Variants in SPAG17 observed in about 807,000 individuals in gnomAD.
The protein encoded by SPAG17 is sperm-associated antigen 17.
SPAG17 carries 169 observed loss-of-function variants against 273.6 expected under a neutral mutation model. The ratio of observed to expected loss-of-function variants is 0.62; its 90% CI spans 0.55 to 0.70. SPAG17 has a LOEUF of 0.70. Among genes scored for constraint, SPAG17 ranks in the 30% least tolerant of loss-of-function variants. SPAG17 has a pLI of 0.00. For synonymous variants in SPAG17, 825 were observed against 873.2 expected (o/e 0.94, Z 0.97); for missense variants, 2,557 against 2,627.8 (o/e 0.97, Z 0.59).
chr1:118,025,069 A>G (rs986937920), intron 27 of SPAG17, among the ~76,000 whole-genome samples, 169 bp downstream of exon 27: 3 of 152,202 alleles, frequency 2.0e-5, no homozygotes, highest in Non-Finnish European at 4.4e-5. Context: ...CCTGCTCTGC[A>G]TATAGTGTTT....
intron 3 of SPAG17, among the ~76,000 whole-genome samples, chr1:118,136,394 C>T (rs998879192): frequency 6.6e-6 from 1 of 152,174 alleles, no homozygotes. Flanking sequence ...GCATGTACAT[C>T]CCCTCAGGAT....
chr1:118,015,363 T>C (rs189957071), intron 29 of SPAG17, among the ~76,000 whole-genome samples: 1 of 152,306 alleles, frequency 6.6e-6, no homozygotes, highest in East Asian at 1.9e-4. Context: ...AACCATTATG[T>C]TCTGTACCAC....
At chr1:118,125,074 C>T (rs963842617) in intron 3 of SPAG17, among the ~76,000 whole-genome samples, 1 of 152,132 alleles carries the variant, frequency 6.6e-6, no homozygotes, top group African/African-American at 2.4e-5. Flanking sequence ...TACCTGATGC[C>T]TCAACTCTAA....
chr1:118,084,909 C>G (rs568719224), intron 13 of SPAG17, among the ~76,000 whole-genome samples: 2 of 152,064 alleles, frequency 1.3e-5, no homozygotes, highest in Non-Finnish European at 2.9e-5. Flanking sequence ...TAGATTAATT[C>G]CAAGGTTTCT....
chr1:118,085,191 T>C (rs1191067780), intron 13 of SPAG17, among the ~76,000 whole-genome samples: 1 of 152,140 alleles, frequency 6.6e-6, no homozygotes, highest in Non-Finnish European at 1.5e-5. Context: ...CTCGATCCTC[T>C]TCTTTTTTTT....
chr1:118,098,487 GTC>G, intron 6 of SPAG17, among the ~76,000 whole-genome samples: 1 of 151,718 alleles, frequency 6.6e-6, no homozygotes, highest in Admixed American at 6.6e-5. Context: ...CTATTATAAA[GTC>G]TATTTTTTAA....
At chr1:118,007,984 G>C (rs1365994503) in intron 31 of SPAG17, 60 bp downstream of exon 31, 2 of 1,601,244 alleles carry the variant, frequency 1.2e-6, no homozygotes, top group Non-Finnish European at 1.7e-6. Flanking sequence ...CAGAGAAGTG[G>C]GTTTTCTCAG....
intron 7 of SPAG17, among the ~76,000 whole-genome samples, chr1:118,093,849 T>C (rs1480340268): frequency 6.6e-6 from 1 of 152,244 alleles, no homozygotes; most frequent in African/African-American, 2.4e-5. Flanking sequence ...CTTTCACCTG[T>C]TCTACCTCTA....
intron 43 of SPAG17, among the ~76,000 whole-genome samples, chr1:117,979,005 T>C (rs1407790332): frequency 6.6e-6 from 1 of 151,932 alleles, no homozygotes; most frequent in African/African-American, 2.4e-5. Context: ...GTAGCTGGGA[T>C]TACAGGTGCA....
chr1:117,989,219 T>C (rs1656786688), intron 38 of SPAG17, among the ~76,000 whole-genome samples: 1 of 152,172 alleles, frequency 6.6e-6, no homozygotes, highest in Non-Finnish European at 1.5e-5. Flanking sequence ...AAATAGTACC[T>C]GAGGCTGTGT....
intron 22 of SPAG17, among the ~76,000 whole-genome samples, chr1:118,040,228 G>A (rs1649574594): frequency 6.6e-6 from 1 of 152,066 alleles, no homozygotes; most frequent in Non-Finnish European, 1.5e-5. Context: ...AGAACTAGGA[G>A]AAAATATTGA....
At position 118,005,602 on chromosome 1, in the gene SPAG17, C is replaced by T. The variant is rs546156894; in HGVS notation, c.4588G>A (p.Val1530Met). 1.2e-5 allele frequency: 18 copies of T among 1,455,914 alleles called. No individual in the cohort carries two copies. Among genetic ancestry groups the T allele is most frequent in the Admixed American group, 2.5e-5 (1 of 39,334 alleles). 90.2% of individuals were successfully genotyped at this position (1,455,914 alleles called of 1,614,324 possible). The change falls in exon 32 of 49, where the codon GTG (valine) becomes ATG (methionine). Residue 1530 changes from valine (V) to methionine (M), a missense_variant and splice_region_variant. Transcript: ENST00000336338. ...AGAGAGCCTGTGTTTGGAGGTAACA[C>T]CTGAAAGAGTAACAGAAAGACAGAA... The part of the protein sequence containing the change: ...IIAKPQGTYQ[V>M]LPPNTGSLYI...
intron 3 of SPAG17, among the ~76,000 whole-genome samples, chr1:118,126,350 C>A (rs1207969066): frequency 6.6e-6 from 1 of 150,578 alleles, no homozygotes; most frequent in South Asian, 2.1e-4. Flanking sequence ...GAACTACAGG[C>A]GCCCGCCACT....
chr1:118,048,677 C>T (rs1650647266), intron 20 of SPAG17, among the ~76,000 whole-genome samples: 3 of 152,096 alleles, frequency 2.0e-5, no homozygotes, highest in Admixed American at 1.3e-4. Flanking sequence ...GTGGGCAGAT[C>T]ACAAGGTCAG....
At chr1:118,103,440 C>T (rs1296188451) in intron 4 of SPAG17, among the ~76,000 whole-genome samples, 1 of 152,174 alleles carries the variant, frequency 6.6e-6, no homozygotes, top group Non-Finnish European at 1.5e-5. Context: ...CTGTCCCAGC[C>T]TTCCTCAGCA....
chr1:118,025,227 C>T lies in SPAG17; in HGVS notation c.3909+11G>A, dbSNP rs377062293. On this transcript the variant is annotated intron_variant, in intron 27 of 48. Coordinates refer to ENST00000336338, the MANE Select transcript of SPAG17 (RefSeq NM_206996.4). Reference sequence around the variant, plus strand: ...ACAGGGAAGAATAATTTCTCTAACACATTCTTTTACCTGTGTGGATCCATC... The same window carrying T: ...ACAGGGAAGAATAATTTCTCTAACATATTCTTTTACCTGTGTGGATCCATC... The T allele has an allele frequency of 3.1e-6, 5 of 1,612,202 alleles. No individual in the cohort carries two copies. In the African/African-American group the frequency reaches 5.3e-5, roughly 17 times the overall value.
chr1:118,070,511 C>T (rs2102082977), intron 17 of SPAG17, among the ~76,000 whole-genome samples: 1 of 152,184 alleles, frequency 6.6e-6, no homozygotes, highest in East Asian at 1.9e-4. Flanking sequence ...GTTCTAAGAA[C>T]AGTGGACCCA....
At chr1:118,150,685 A>C (rs908725047) in intron 2 of SPAG17, 56 bp from the exon 3 acceptor site, 13 of 1,003,084 alleles carry the variant, frequency 1.3e-5, no homozygotes, top group Non-Finnish European at 2.0e-5. Context: ...AAGAATACTT[A>C]GATATATGTA....
Position 118,097,686 on chromosome 1 carries a change from G to A in SPAG17, c.995C>T (p.Ser332Leu). Residue 332 changes from serine (S) to leucine (L), a missense_variant, in exon 7 of 49, where the codon TCA (serine) becomes TTA (leucine). By Grantham distance (145) the Ser-to-Leu change is moderately radical. Transcript: ENST00000336338. ...TGTACTAACCATCATCTCACCATCT[G>A]ACCAGTCAGAAGGAAAATCAGCTGC... ...VKAADFPSDW[S>L]DGEMMLKLGT... The A allele has an allele frequency of 6.2e-7, 1 of 1,602,094 alleles. No homozygotes were observed. Among genetic ancestry groups the A allele is most frequent in the Non-Finnish European group, 8.5e-7 (1 of 1,175,974 alleles).
Sources: allele counts gnomAD v4.1 joint callset (sites outside exome capture counted in the v4.1 genomes callset), GRCh38; gene constraint gnomAD v4.1.1; transcripts MANE v1.5; gene names NCBI Gene and HGNC (gene_info 2026-07-23, HGNC 2026-07-21).